Variants in TPPP2 observed in about 807,000 individuals in gnomAD.
The protein encoded by TPPP2 is tubulin polymerization promoting protein family member 2, also known as tubulin polymerization-promoting protein family member 2.
A neutral mutation model predicts 13.0 loss-of-function variants in TPPP2; 8 were observed. That is an observed-to-expected ratio of 0.62 (90% CI 0.36 to 1.11). The LOEUF is 1.11. Among genes scored for constraint, TPPP2 ranks in the 50% most tolerant of loss-of-function variants. The pLI is 0.02. For synonymous variants in TPPP2, 81 were observed against 81.8 expected (o/e 0.99, Z 0.05); for missense variants, 213 against 216.9 (o/e 0.98, Z 0.11).
upstream of TPPP2, chr14:21,025,735 A>G: frequency 2.0e-6 from 2 of 983,310 alleles, no homozygotes; most frequent in Non-Finnish European, 2.4e-6. This position sits in a 1 kb window ranked among gnomAD's most constrained non-coding sequence, Gnocchi z 5.1. Context: ...GAGAAGTTGG[A>G]CAACAAGGCG....
upstream of TPPP2, chr14:21,025,239 G>A (rs560649797): frequency 8.3e-6 from 7 of 839,788 alleles, no homozygotes; most frequent in South Asian, 1.1e-4. This position sits in a 1 kb window ranked among gnomAD's most constrained non-coding sequence, Gnocchi z 5.1. Flanking sequence ...GGGCCGGGGG[G>A]CGAGGGGCGG....
chr14:21,026,393 G>A (rs890944724), upstream of TPPP2, among the ~76,000 whole-genome samples: 69 of 148,844 alleles, frequency 4.6e-4, no homozygotes, highest in Middle Eastern at 3.3e-3. Context: ...CTGGGCGCCA[G>A]GCCAGTCAGG....
At position 21,025,196 on chromosome 14, in the gene TPPP2, G is replaced by C. The variant is rs1203677474; in HGVS notation, n.236+852G>C. ...GTAAACACGCCCCCCCTTTCACCCC[G>C]CCCAGACTGCCGCTCAGGAAAGGGT... On this transcript the variant is annotated intron_variant and non_coding_transcript_variant, in intron 1 of 1. Coordinates refer to the TPPP2 transcript ENST00000533755. The surrounding 1 kb of genome is among the most constrained non-coding windows in gnomAD (Gnocchi z 5.1). 2.3e-6 allele frequency: 2 copies of C among 866,128 alleles called. No individual in the cohort carries two copies. Among genetic ancestry groups the C allele is most frequent in the East Asian group, 1.2e-4 (1 of 8,128 alleles). The allele number at this position is 866,128 out of a possible 1,614,324, so 53.7% of individuals were successfully genotyped here. A position where few individuals can be genotyped will look rare whatever the true frequency, so the allele number is the denominator to read the frequency against.
chr14:21,030,515 C>G lies in TPPP2; in HGVS notation c.-67C>G. On this transcript the variant is annotated splice_region_variant and 5_prime_UTR_variant, in exon 2 of 4. Transcript: ENST00000321760. ...CACTCATCCTCATTACTCCACAGTC[C>G]TCCCTCCCCCTTCTCCTTCACCCCC... The G allele has an allele frequency of 6.6e-7, 1 of 1,512,658 alleles. No homozygotes were observed. The highest frequency in any genetic ancestry group is 9.0e-7 in the Non-Finnish European group (1 of 1,110,458). The allele number at this position is 1,512,658 out of a possible 1,614,324, so 93.7% of individuals were successfully genotyped here. A position where few individuals can be genotyped will look rare whatever the true frequency, so the allele number is the denominator to read the frequency against.
chr14:21,025,678 TCTC>T (rs1883491759), upstream of TPPP2: 3 of 984,286 alleles, frequency 3.0e-6, no homozygotes, highest in South Asian at 1.4e-4. This position sits in a 1 kb window ranked among gnomAD's most constrained non-coding sequence, Gnocchi z 5.1. Context: ...TCCTGGTACC[TCTC>T]CTCTCTTTGC....
chr14:21,025,424 C>G (rs1883392926), upstream of TPPP2: 1 of 985,566 alleles, frequency 1.0e-6, no homozygotes, highest in African/African-American at 1.7e-5. The surrounding 1 kb of genome is among the most constrained non-coding windows in gnomAD (Gnocchi z 5.1). Flanking sequence ...TGGCTCCTTC[C>G]TTCGCCCCCA....
At chr14:21,024,638 G>A (rs1882774754) in intron 1 of TPPP2, 2 of 984,094 alleles carry the variant, frequency 2.0e-6, no homozygotes, top group Non-Finnish European at 1.2e-6. Flanking sequence ...AGGGAGAGGA[G>A]AGCGGTCCCA....
At chr14:21,024,577 C>T in intron 1 of TPPP2, 1 of 985,456 alleles carries the variant, frequency 1.0e-6, no homozygotes, top group Non-Finnish European at 1.2e-6. Flanking sequence ...AGATTGGTGC[C>T]GTCGCTTCTC....
At position 21,030,530 on chromosome 14, in the gene TPPP2, C is replaced by T; in HGVS notation, c.-52C>T. On this transcript the variant is annotated 5_prime_UTR_variant, in exon 2 of 4. Coordinates refer to ENST00000321760, the MANE Select transcript of TPPP2 (RefSeq NM_173846.5). Reference sequence around the variant, plus strand: ...CTCCACAGTCCTCCCTCCCCCTTCTCCTTCACCCCCAAGTGTCTCCCACGA... The same window carrying T: ...CTCCACAGTCCTCCCTCCCCCTTCTTCTTCACCCCCAAGTGTCTCCCACGA... 1 of 1,576,140 alleles carries T rather than the reference C, an allele frequency of 6.3e-7. No individual in the cohort carries two copies. Among genetic ancestry groups the T allele is most frequent in the Non-Finnish European group, 8.6e-7 (1 of 1,156,396 alleles).
chr14:21,035,636 A>G (rs17242881), downstream of TPPP2, among the ~76,000 whole-genome samples: 16,982 of 152,182 alleles, frequency 0.11, 1,068 homozygotes, highest in Non-Finnish European at 0.14. Flanking sequence ...CAACACCCTC[A>G]GTATAGCTCA....
upstream of TPPP2, among the ~76,000 whole-genome samples, chr14:21,026,485 C>G (rs1479974427): frequency 6.6e-6 from 1 of 150,630 alleles, no homozygotes; most frequent in African/African-American, 2.5e-5. Flanking sequence ...TTCCCTGCCC[C>G]CTCCTGCCTG....
upstream of TPPP2, chr14:21,025,741 A>G (rs1594462978): frequency 2.0e-5 from 9 of 457,938 alleles, no homozygotes; most frequent in Non-Finnish European, 2.4e-5. The surrounding 1 kb of genome is among the most constrained non-coding windows in gnomAD (Gnocchi z 5.1). Flanking sequence ...TTGGACAACA[A>G]GGCGGGGAGG....
At chr14:21,034,561 C>T, downstream of TPPP2, 1 of 427,984 alleles carries the variant, frequency 2.3e-6, no homozygotes. Flanking sequence ...AGAGCTCTAA[C>T]TGGTCCTTGG....
chr14:21,030,277 G>T lies in TPPP2; in HGVS notation c.-97G>T. On this transcript the variant is annotated 5_prime_UTR_variant, in exon 1 of 4. Transcript: ENST00000321760. The stretch of plus-strand genomic sequence containing the variant: ...ACACTTAAATACAAAGGCCGGGAAG[G>T]GTCAGACCACCATCCGGGTACTCTA... 1 of 333,954 alleles carries T rather than the reference G, an allele frequency of 3.0e-6. No homozygotes were observed. Among genetic ancestry groups the T allele is most frequent in the South Asian group, 4.0e-5 (1 of 25,274 alleles). 20.7% of individuals were successfully genotyped at this position (333,954 alleles called of 1,614,324 possible).
chr14:21,033,032 G>C (rs780234559), downstream of TPPP2: 1 of 453,528 alleles, frequency 2.2e-6, no homozygotes, highest in Non-Finnish European at 4.4e-6. Flanking sequence ...TGGGGGATTT[G>C]GGAGGAGCTT....
downstream of TPPP2, chr14:21,034,127 A>G: frequency 6.2e-7 from 1 of 1,614,198 alleles, no homozygotes; most frequent in South Asian, 1.1e-5. Context: ...AGGACATCAG[A>G]CCATTACAAT....
downstream of TPPP2, chr14:21,034,054 A>G: frequency 1.9e-6 from 3 of 1,614,216 alleles, no homozygotes; most frequent in Non-Finnish European, 2.5e-6. Flanking sequence ...ATGGCCTTCC[A>G]AGGGGCATGT....
chr14:21,025,312 T>C (rs923599441), upstream of TPPP2: 93 of 945,810 alleles, frequency 9.8e-5, no homozygotes, highest in Middle Eastern at 1.1e-3. The surrounding 1 kb of genome is among the most constrained non-coding windows in gnomAD (Gnocchi z 5.1). Flanking sequence ...CCTCCCCGCA[T>C]TGGGGCGGTG....
At chr14:21,033,567 C>G (rs562724615), downstream of TPPP2, 1 of 540,524 alleles carries the variant, frequency 1.9e-6, no homozygotes, top group Non-Finnish European at 3.3e-6. Context: ...GTGGGTTTTA[C>G]TGTCTCTGGG....
Sources: allele counts gnomAD v4.1 joint callset (sites outside exome capture counted in the v4.1 genomes callset), GRCh38; gene constraint gnomAD v4.1.1; non-coding constraint Gnocchi (gnomAD v3.1); transcripts MANE v1.5; gene names NCBI Gene and HGNC (gene_info 2026-07-23, HGNC 2026-07-21).